The following CELSR1 variants were observed in gnomAD, a reference collection of about 807,000 sequenced individuals.
CELSR1 encodes the protein adhesion G protein-coupled receptor C1.
In CELSR1, 110 loss-of-function variants were observed where a neutral mutation model predicts 249.1. The ratio of observed to expected loss-of-function variants is 0.44; its 90% CI spans 0.38 to 0.52. CELSR1 has a LOEUF of 0.52. Ranked by LOEUF, CELSR1 falls within the 20% of genes least tolerant of loss-of-function variation. The pLI is 0.00. For missense variants in CELSR1, 4,109 were observed against 4,296.4 expected, an observed-to-expected ratio of 0.96 and a Z score of 1.22; for synonymous variants, 2,113 against 1,900.0, an observed-to-expected ratio of 1.11 and a Z score of -2.92.
Position 46,427,667 on chromosome 22 carries a change from G to A in CELSR1, c.4611+5726C>T, listed in dbSNP as rs930980950. Among the ~76,000 whole-genome samples, 20 of 152,186 alleles carry A rather than the reference G, an allele frequency of 1.3e-4. No individual in the cohort carries two copies. The highest frequency in any genetic ancestry group is 1.2e-3 in the Admixed American group (19 of 15,282). ...CAATGGTTGTTGACGTTCCGCTGTC[G>A]GAGGACCTTATATTCTATTAAATAC... On this transcript the variant is annotated intron_variant, in intron 5 of 34. Transcript: ENST00000674500. The surrounding 1 kb of genome is among the most constrained non-coding windows in gnomAD (Gnocchi z 4.2).
Position 46,380,854 on chromosome 22 carries a change from T to G in CELSR1, c.7190A>C (p.Glu2397Ala). 6.2e-7 allele frequency: 1 copy of G among 1,612,440 alleles called. No homozygotes were observed. ...PRPLERPVLV[E>A]FALLEVEERT... ...CTCCTCCACCTCCAGCAGGGCGAAC[T>G]CCACCAGGACGGGCCTCTCCAGGGG... The change falls in exon 22 of 35, where the codon GAG becomes GCG. Residue 2397 changes from glutamate to alanine, a missense_variant. By Grantham distance (107) the Glu-to-Ala change is moderately radical. Around this residue, in one of 7 missense-constraint regions of CELSR1, gnomAD observed 1,805 missense variants for 1,831.6 expected, o/e 0.99. Transcript: ENST00000674500. This position sits in a 1 kb window ranked among gnomAD's most constrained non-coding sequence, Gnocchi z 5.1.
Position 46,381,025 on chromosome 22 carries a change from A to C in CELSR1, c.7089-70T>G. The C allele has an allele frequency of 7.4e-6, 11 of 1,494,514 alleles. No individual in the cohort carries two copies. Among genetic ancestry groups the C allele is most frequent in the South Asian group, 2.3e-5 (2 of 85,206 alleles). The allele number at this position is 1,494,514 out of a possible 1,614,324, so 92.6% of individuals were successfully genotyped here. A position where few individuals can be genotyped will look rare whatever the true frequency, so the allele number is the denominator to read the frequency against. ...ACATCTGCTTAAATCCCGCGCACAA[A>C]TGCCCTGAGGACACGCCATGATGTG... On this transcript the variant is annotated intron_variant, in intron 21 of 34. Transcript: ENST00000674500. The surrounding 1 kb of genome is among the most constrained non-coding windows in gnomAD (Gnocchi z 6.0).
chr22:46,456,775 T>C (rs1435307801), intron 2 of CELSR1, among the ~76,000 whole-genome samples: 2 of 151,428 alleles, frequency 1.3e-5, no homozygotes, highest in Non-Finnish European at 2.9e-5. Flanking sequence ...TTTAAGATTT[T>C]CCCATGAGCA....
intron 25 of CELSR1, among the ~76,000 whole-genome samples, chr22:46,372,309 C>G: frequency 6.7e-6 from 1 of 149,110 alleles, no homozygotes; most frequent in Admixed American, 6.6e-5. Flanking sequence ...GCTCCCCACC[C>G]ATCCATCCAT....
intron 2 of CELSR1, among the ~76,000 whole-genome samples, chr22:46,443,338 G>A (rs956378486): frequency 2.0e-5 from 3 of 152,192 alleles, no homozygotes; most frequent in African/African-American, 7.2e-5. Flanking sequence ...GTCAGGGCAG[G>A]ATCCCATCCG....
rs1449985379 is a variant in CELSR1 at position 46,361,336 on chromosome 22, AACTG to A, written c.*1883_*1886del. The A allele has an allele frequency of 6.6e-6, 1 of 152,542 alleles. No individual in the cohort carries two copies. Among genetic ancestry groups the A allele is most frequent in the African/African-American group, 2.4e-5 (1 of 41,444 alleles). The allele number at this position is 152,542 out of a possible 1,614,324, so 9.4% of individuals were successfully genotyped here. On this transcript the variant is annotated 3_prime_UTR_variant, in exon 35 of 35. Transcript: ENST00000674500. ...GTTTACATTTTTCCCATCTCAATAA[AACTG>A]ACAGTTGTTTTTTGGTAACAGTTCT...
intron 1 of CELSR1, among the ~76,000 whole-genome samples, chr22:46,476,954 A>T (rs1381727645): frequency 6.6e-6 from 1 of 152,216 alleles, no homozygotes; most frequent in Non-Finnish European, 1.5e-5. Flanking sequence ...TTTAAAAGGC[A>T]AAAAGAGTTA....
At position 46,534,350 on chromosome 22, in the gene CELSR1, A is replaced by T; in HGVS notation, c.2821T>A (p.Phe941Ile). 1 of 1,612,994 alleles carries T rather than the reference A, an allele frequency of 6.2e-7. No homozygotes were observed. The highest frequency in any genetic ancestry group is 8.5e-7 in the Non-Finnish European group (1 of 1,180,030). Residue 941 changes from phenylalanine (F) to isoleucine (I), a missense_variant, in exon 1 of 35, where the codon TTC (phenylalanine) becomes ATC (isoleucine). Around this residue, in one of 7 missense-constraint regions of CELSR1, gnomAD observed 886 missense variants for 896.5 expected, o/e 0.99. Coordinates refer to ENST00000674500, the MANE Select transcript of CELSR1 (RefSeq NM_001378328.1). This position sits in a 1 kb window ranked among gnomAD's most constrained non-coding sequence, Gnocchi z 9.7. ...FQGGDDGDGD[F>I]YIEPTSGVIR... ...ACACCGGACGTGGGCTCGATGTAGA[A>T]GTCCCCATCGCCGTCGTCCCCACCC...
At chr22:46,438,505 G>A (rs982210122) in intron 3 of CELSR1, among the ~76,000 whole-genome samples, 1 of 152,160 alleles carries the variant, frequency 6.6e-6, no homozygotes, top group African/African-American at 2.4e-5. Flanking sequence ...CAAAACCCTC[G>A]GTGATTTAGG....
Position 46,468,550 on chromosome 22 carries a change from G to A in CELSR1, c.3545-4205C>T, listed in dbSNP as rs114758347. On this transcript the variant is annotated intron_variant, in intron 1 of 34. Coordinates refer to ENST00000674500, the MANE Select transcript of CELSR1 (RefSeq NM_001378328.1). The surrounding 1 kb of genome is among the most constrained non-coding windows in gnomAD (Gnocchi z 4.5). Reference sequence around the variant, plus strand: ...GCTGCACTTACAGGAGGTCCCTAGAGGAGTTCGATTCATAGAGGCAGAAAG... The same window carrying A: ...GCTGCACTTACAGGAGGTCCCTAGAAGAGTTCGATTCATAGAGGCAGAAAG... Among the ~76,000 whole-genome samples the A allele has an allele frequency of 1.7e-3, 261 of 152,260 alleles. 2 individuals are homozygous for A. Among genetic ancestry groups the A allele is most frequent in the African/African-American group, 6.0e-3 (249 of 41,540 alleles).
In CELSR1 at chr22:46,363,062, G is replaced by A. The variant is rs1195292653; in HGVS notation, c.*161C>T. The stretch of plus-strand genomic sequence containing the variant: ...TTTGTGTCTGGATGATCAGTCGGGG[G>A]GCTGCCACCATGGGGACCGCCACAC... On this transcript the variant is annotated 3_prime_UTR_variant, in exon 35 of 35. Coordinates refer to ENST00000674500, the MANE Select transcript of CELSR1 (RefSeq NM_001378328.1). This position sits in a 1 kb window ranked among gnomAD's most constrained non-coding sequence, Gnocchi z 4.3. 7 of 1,461,608 alleles carry A rather than the reference G, an allele frequency of 4.8e-6. No homozygotes were observed. In the East Asian group the frequency reaches 1.6e-4, roughly 33 times the overall value. The allele number at this position is 1,461,608 out of a possible 1,614,324, so 90.5% of individuals were successfully genotyped here.
intron 17 of CELSR1, among the ~76,000 whole-genome samples, chr22:46,389,763 G>GAAAATACTCTACTCTATGTCTCTATTTTA (rs1341430935): frequency 2.2e-4 from 34 of 151,620 alleles, no homozygotes; most frequent in Non-Finnish European, 4.6e-4. Flanking sequence ...TCTCTATTTT[G>GAAAATACTCTACTCTATGTCTCTATTTTA]AAAATACTCT....
At chr22:46,475,364 G>A (rs9627469) in intron 1 of CELSR1, among the ~76,000 whole-genome samples, 20,165 of 152,080 alleles carry the variant, frequency 0.13, 1,414 homozygotes, top group Admixed American at 0.21. Context: ...GAAAGAGGCC[G>A]GTCACAAAAG....
intron 1 of CELSR1, among the ~76,000 whole-genome samples, chr22:46,489,970 C>T (rs546757857): frequency 1.3e-5 from 2 of 152,078 alleles, no homozygotes; most frequent in African/African-American, 4.8e-5. Context: ...GATCCAGATG[C>T]GCTGCCCAGC....
Position 46,398,537 on chromosome 22 carries a change from C to T in CELSR1, c.5513G>A (p.Arg1838Gln), listed in dbSNP as rs368531321. 4.9e-5 allele frequency: 79 copies of T among 1,610,984 alleles called. No individual in the cohort carries two copies. The highest frequency in any genetic ancestry group is 6.4e-5 in the Non-Finnish European group (75 of 1,178,576). Residue 1838 changes from arginine (R) to glutamine (Q), a missense_variant, in exon 11 of 35, where the codon CGA becomes CAA. By Grantham distance (43) the Arg-to-Gln change is conservative. Transcript: ENST00000674500. This position sits in a 1 kb window ranked among gnomAD's most constrained non-coding sequence, Gnocchi z 7.2. ...EDKVSVRRGFRGCMQGVRMGG... is the reference protein window; with the variant it reads ...EDKVSVRRGFQGCMQGVRMGG... ...ACCCCCACGCACCTGCATGCAGCCTCGGAATCCACGGCGCACGGAGACCTT... is the reference window on the plus strand; with the variant it reads ...ACCCCCACGCACCTGCATGCAGCCTTGGAATCCACGGCGCACGGAGACCTT...
rs1466168119 is a variant in CELSR1, at chr22:46,440,216, T to C, written c.4184-805A>G. 6.6e-6 allele frequency among the ~76,000 whole-genome samples: 1 copy of C among 152,154 alleles called. No individual in the cohort carries two copies. Among genetic ancestry groups the C allele is most frequent in the Non-Finnish European group, 1.5e-5 (1 of 68,032 alleles). On this transcript the variant is annotated intron_variant, in intron 2 of 34. Coordinates refer to ENST00000674500, the MANE Select transcript of CELSR1 (RefSeq NM_001378328.1). The surrounding 1 kb of genome is among the most constrained non-coding windows in gnomAD (Gnocchi z 4.7). ...GGAGGGTCTCAGTGTTCGCCATGCT[T>C]CGACCCAGTTGTTCCTGGACTGGCC... is the stretch of plus-strand genomic sequence containing the variant.
chr22:46,493,100 A>T (rs2080382802), intron 1 of CELSR1, among the ~76,000 whole-genome samples: 1 of 151,540 alleles, frequency 6.6e-6, no homozygotes, highest in Admixed American at 6.6e-5. Context: ...AAGTAAAAAA[A>T]TTAGCCAGGC....
intron 19 of CELSR1, among the ~76,000 whole-genome samples, chr22:46,385,569 C>G (rs2079023114): frequency 6.6e-6 from 1 of 152,192 alleles, no homozygotes; most frequent in Admixed American, 6.5e-5. Context: ...CCCAACATCT[C>G]CCTAGCCCGG....
rs2079730287 is a variant in CELSR1 at position 46,440,345 on chromosome 22, A to C, written c.4184-934T>G. Among the ~76,000 whole-genome samples the C allele has an allele frequency of 6.6e-6, 1 of 152,056 alleles. No individual in the cohort carries two copies. ...AGCCCATGCTGCCTCCCCTGCCTCCACCACATGGGGAGTTAGGCTAATTTT... is the reference window on the plus strand; with the variant it reads ...AGCCCATGCTGCCTCCCCTGCCTCCCCCACATGGGGAGTTAGGCTAATTTT... On this transcript the variant is annotated intron_variant, in intron 2 of 34. Transcript: ENST00000674500. This position sits in a 1 kb window ranked among gnomAD's most constrained non-coding sequence, Gnocchi z 4.7.
Sources: gnomAD v4.1 joint callset for allele counts (sites outside exome capture counted in the v4.1 genomes callset) on GRCh38, gnomAD v4.1.1 for gene constraint, gnomAD v4.1.1 regional missense constraint, Gnocchi (gnomAD v3.1) non-coding constraint, MANE v1.5 for transcripts, NCBI Gene and HGNC (gene_info 2026-07-23, HGNC 2026-07-21) for gene names.